Variants in ZC4H2 observed in about 807,000 individuals in gnomAD.
ZC4H2 encodes zinc finger C4H2 domain-containing protein.
For missense variants in ZC4H2, 137 were observed against 173.9 expected, an observed-to-expected ratio of 0.79 and a Z score of 1.19; for synonymous variants, 84 against 66.3, an observed-to-expected ratio of 1.27 and a Z score of -1.30.
intron 1 of ZC4H2, among the ~76,000 whole-genome samples, chrX:64,932,444 C>T (rs2147363142): frequency 9.0e-6 from 1 of 111,071 alleles, no homozygotes; most frequent in Non-Finnish European, 1.9e-5. Context: ...CATTGTGTTA[C>T]TGTTTTATAG....
At chrX:64,949,471 C>T (rs770372423) in intron 1 of ZC4H2, among the ~76,000 whole-genome samples, 1 of 111,548 alleles carries the variant, frequency 9.0e-6, no homozygotes, top group East Asian at 2.8e-4. Context: ...AATCAAATTG[C>T]AGCTTCAAAA....
At chrX:64,997,384 G>A (rs184739483) in intron 1 of ZC4H2, among the ~76,000 whole-genome samples, 1 of 111,924 alleles carries the variant, frequency 8.9e-6, no homozygotes, top group African/African-American at 3.2e-5. Context: ...AAACTAGGCA[G>A]TAACTCAAAA....
At chrX:64,953,851 A>AT (rs1930995129) in intron 1 of ZC4H2, among the ~76,000 whole-genome samples, 1 of 111,523 alleles carries the variant, frequency 9.0e-6, no homozygotes. Context: ...TCACGCTGCT[A>AT]TAAAGACACA....
intron 1 of ZC4H2, among the ~76,000 whole-genome samples, chrX:64,946,703 T>G (rs918806273): frequency 9.0e-6 from 1 of 111,351 alleles, no homozygotes; most frequent in African/African-American, 3.3e-5. Context: ...AATAGATAGA[T>G]AGATTCTTAA....
chrX:64,979,580 T>C (rs1932044145), upstream of ZC4H2, among the ~76,000 whole-genome samples: 1 of 111,992 alleles, frequency 8.9e-6, no homozygotes, highest in Non-Finnish European at 1.9e-5. Context: ...AGGAAAATGT[T>C]GTAGAGAAAC....
At chrX:64,954,359 T>C (rs1404280399) in intron 1 of ZC4H2, among the ~76,000 whole-genome samples, 3 of 65,564 alleles carry the variant, frequency 4.6e-5, no homozygotes, top group Non-Finnish European at 7.8e-5. Context: ...TATATAATTA[T>C]ATATATATAT....
At position 64,919,171 on chromosome X, in the gene ZC4H2, T is replaced by C. The variant is rs6524946; in HGVS notation, c.432A>G (p.Thr144=). ...YFEKQKAEWQ[T]EPQEPPIPES... The stretch of plus-strand genomic sequence containing the variant: ...CAGGGATGGGGGGCTCCTGAGGTTC[T>C]GTCTGCCATTCTGCTTTCTGCTTCT... Residue 144 remains threonine (T), a synonymous_variant, in exon 4 of 5, where the codon ACA becomes ACG. Transcript: ENST00000374839. 18,728 of 1,209,325 alleles carry C rather than the reference T, an allele frequency of 0.015. 1,908 individuals are homozygous for C. In the African/African-American group the frequency reaches 0.29, roughly 19 times the overall value.
intron 1 of ZC4H2, among the ~76,000 whole-genome samples, chrX:65,004,367 A>T (rs1932614457): frequency 8.9e-6 from 1 of 112,209 alleles, no homozygotes; most frequent in African/African-American, 3.2e-5. Context: ...GAAGCACATC[A>T]AAAAGCTTAT....
intron 1 of ZC4H2, among the ~76,000 whole-genome samples, chrX:64,998,410 A>G (rs753966871): frequency 1.8e-5 from 2 of 112,302 alleles, no homozygotes; most frequent in Non-Finnish European, 3.8e-5. Context: ...CTATTATAAG[A>G]GAAAAACTAG....
At chrX:65,021,616 C>G (rs1366309293) in intron 1 of ZC4H2, among the ~76,000 whole-genome samples, 1 of 110,945 alleles carries the variant, frequency 9.0e-6, no homozygotes, top group African/African-American at 3.3e-5. Context: ...ATGAAAAGAA[C>G]TTGAGAAGCA....
intron 1 of ZC4H2, among the ~76,000 whole-genome samples, chrX:64,988,378 A>T (rs1261804674): frequency 9.0e-6 from 1 of 111,097 alleles, no homozygotes; most frequent in Non-Finnish European, 1.9e-5. Context: ...CTATTTCTCC[A>T]CATCTTTTCC....
chrX:64,976,551 G>T (rs950034534), upstream of ZC4H2: 1 of 466,235 alleles, frequency 2.1e-6, no homozygotes, highest in Non-Finnish European at 3.7e-6. Flanking sequence ...AGGAAGCCCG[G>T]GGGCCTGTAG....
intron 1 of ZC4H2, among the ~76,000 whole-genome samples, chrX:64,949,399 A>G (rs1221337353): frequency 2.7e-5 from 3 of 111,740 alleles, no homozygotes; most frequent in Non-Finnish European, 5.6e-5. Context: ...TACAGTACCT[A>G]GAATTCCATT....
intron 1 of ZC4H2, among the ~76,000 whole-genome samples, chrX:64,964,394 G>A (rs1373958189): frequency 9.0e-6 from 1 of 111,018 alleles, no homozygotes; most frequent in Non-Finnish European, 1.9e-5. Context: ...AATCCATAAA[G>A]AACATCACAC....
chrX:64,983,945 G>T (rs1932130704), intron 1 of ZC4H2, among the ~76,000 whole-genome samples: 1 of 111,469 alleles, frequency 9.0e-6, no homozygotes, highest in Non-Finnish European at 1.9e-5. Context: ...TTTCTTTGTT[G>T]AAATTTTAGA....
At chrX:64,957,858 T>C (rs1396872183) in intron 1 of ZC4H2, among the ~76,000 whole-genome samples, 7 of 109,279 alleles carry the variant, frequency 6.4e-5, no homozygotes, top group African/African-American at 2.3e-4. Context: ...TGAGACCAGG[T>C]TTCAAAAATA....
chrX:64,934,459 CAT>C (rs1337259553), intron 1 of ZC4H2, among the ~76,000 whole-genome samples: 1 of 112,110 alleles, frequency 8.9e-6, no homozygotes, highest in Non-Finnish European at 1.9e-5. Context: ...CACAGTTGTT[CAT>C]AGTTATTATT....
At chrX:64,981,082 A>G (rs1181189251), upstream of ZC4H2, among the ~76,000 whole-genome samples, 4 of 109,757 alleles carry the variant, frequency 3.6e-5, no homozygotes, top group Non-Finnish European at 7.6e-5. Flanking sequence ...AGCCGGTGCA[A>G]TGGTCCTGAG....
At chrX:64,974,160 T>G (rs1458740233) in intron 1 of ZC4H2, among the ~76,000 whole-genome samples, 2 of 112,360 alleles carry the variant, frequency 1.8e-5, no homozygotes, top group Non-Finnish European at 3.8e-5. Flanking sequence ...TAAGCTATTT[T>G]TTCCCTCTCT....
Sources: gnomAD v4.1 joint callset for allele counts (sites outside exome capture counted in the v4.1 genomes callset) on GRCh38, gnomAD v4.1.1 for gene constraint, MANE v1.5 for transcripts, NCBI Gene and HGNC (gene_info 2026-07-23, HGNC 2026-07-21) for gene names.